PPP2R2B: variants seen among roughly 807,000 people sequenced by gnomAD.
PPP2R2B encodes the protein serine/threonine-protein phosphatase 2A 55 kDa regulatory subunit B beta isoform.
PPP2R2B carries 5 observed loss-of-function variants against 46.0 expected under a neutral mutation model. That is an observed-to-expected ratio of 0.11 (90% CI 0.06 to 0.23). The LOEUF is 0.23. Ranked by LOEUF, PPP2R2B falls within the 10% of genes least tolerant of loss-of-function variation. The pLI is 1.00. For missense variants in PPP2R2B, 367 were observed against 575.0 expected, an observed-to-expected ratio of 0.64 and a Z score of 3.70; for synonymous variants, 215 against 206.7, an observed-to-expected ratio of 1.04 and a Z score of -0.34.
At position 146,639,055 on chromosome 5, in the gene PPP2R2B, T is replaced by C. The variant is rs145121899; in HGVS notation, c.626-640A>G. On this transcript the variant is annotated intron_variant, in intron 6 of 9. Transcript: ENST00000394411. ...TAGCGTTTTCCTTATCCTCATTTTT[T>C]CAGGGGTGGAAACGGATGCTCCATG... Among the ~76,000 whole-genome samples the C allele has an allele frequency of 3.1e-3, 479 of 152,380 alleles. 3 individuals are homozygous for C. The highest frequency in any genetic ancestry group is 0.011 in the African/African-American group (464 of 41,590).
At chr5:146,626,586 G>A (rs1229747827) in intron 7 of PPP2R2B, among the ~76,000 whole-genome samples, 1 of 152,194 alleles carries the variant, frequency 6.6e-6, no homozygotes, top group Admixed American at 6.5e-5. Flanking sequence ...GGGTTCTCCT[G>A]AACCTAGAAT....
chr5:146,648,797 C>T (rs1775748936), intron 6 of PPP2R2B, among the ~76,000 whole-genome samples: 1 of 151,980 alleles, frequency 6.6e-6, no homozygotes, highest in African/African-American at 2.4e-5. Context: ...ACAGCAAATG[C>T]AAAGAATGGA....
intron 1 of PPP2R2B, among the ~76,000 whole-genome samples, chr5:147,023,172 T>C (rs1755367852): frequency 6.6e-6 from 1 of 152,144 alleles, no homozygotes; most frequent in Non-Finnish European, 1.5e-5. Flanking sequence ...GGGAAAGACA[T>C]GCTGTTGTAA....
At chr5:146,860,496 T>C (rs1760921901) in intron 2 of PPP2R2B, among the ~76,000 whole-genome samples, 1 of 152,226 alleles carries the variant, frequency 6.6e-6, no homozygotes, top group Non-Finnish European at 1.5e-5. Flanking sequence ...AGTATTCTCC[T>C]ATGTTTCTCT....
intron 1 of PPP2R2B, among the ~76,000 whole-genome samples, chr5:147,016,722 G>A (rs1251743113): frequency 6.6e-6 from 1 of 151,540 alleles, no homozygotes; most frequent in East Asian, 2.1e-4. Flanking sequence ...CTAGAGATGA[G>A]TGAAAACTAG....
At chr5:146,912,238 CAAAAAAAA>C (rs35127306) in intron 1 of PPP2R2B, among the ~76,000 whole-genome samples, 2 of 56,586 alleles carry the variant, frequency 3.5e-5, no homozygotes, top group Non-Finnish European at 6.6e-5. Flanking sequence ...GGCTCCGTCT[CAAAAAAAA>C]AAAAAAAAAA....
intron 1 of PPP2R2B, among the ~76,000 whole-genome samples, chr5:146,942,802 GT>G (rs879508942): frequency 6.7e-4 from 98 of 145,206 alleles, no homozygotes; most frequent in Middle Eastern, 3.6e-3. Context: ...TGAATCCATA[GT>G]TTTTTTTTTT....
chr5:146,811,287 G>A (rs370823280), intron 2 of PPP2R2B, among the ~76,000 whole-genome samples: 4 of 151,808 alleles, frequency 2.6e-5, no homozygotes, highest in East Asian at 1.9e-4. Context: ...CGTGAGCCAC[G>A]GCGTCCAGCC....
At chr5:146,618,011 C>A (rs1773349353) in intron 7 of PPP2R2B, among the ~76,000 whole-genome samples, 1 of 152,088 alleles carries the variant, frequency 6.6e-6, no homozygotes, top group Non-Finnish European at 1.5e-5. Context: ...CTCAATTCCC[C>A]TGTAGTAGGC....
intron 1 of PPP2R2B, among the ~76,000 whole-genome samples, chr5:147,052,134 C>T (rs1756856840): frequency 6.6e-6 from 1 of 151,958 alleles, no homozygotes; most frequent in African/African-American, 2.4e-5. Context: ...TTTGTATCTT[C>T]TTATTTCAAG....
chr5:146,877,669 C>T (rs894277608), intron 2 of PPP2R2B, among the ~76,000 whole-genome samples: 42 of 152,228 alleles, frequency 2.8e-4, no homozygotes, highest in Middle Eastern at 6.8e-3. Flanking sequence ...TCTTATCTCC[C>T]CCCAAGACCC....
In PPP2R2B at chr5:146,671,945, T is replaced by C. The variant is rs112782562; in HGVS notation, c.447+19183A>G. Among the ~76,000 whole-genome samples, 645 of 152,186 alleles carry C rather than the reference T, an allele frequency of 4.2e-3. 5 individuals are homozygous for C. Among genetic ancestry groups the C allele is most frequent in the African/African-American group, 0.014 (573 of 41,516 alleles). The stretch of plus-strand genomic sequence containing the variant: ...GGGGATGGTTGGACTAAGAATTAAG[T>C]TAAACGATAAGCAAAACGGAGAGAA... On this transcript the variant is annotated intron_variant, in intron 5 of 9. Transcript: ENST00000394411.
chr5:146,976,630 T>C (rs1018115838), intron 1 of PPP2R2B, among the ~76,000 whole-genome samples: 5 of 152,214 alleles, frequency 3.3e-5, no homozygotes, highest in African/African-American at 4.8e-5. Context: ...ATATATCAAA[T>C]TCTAATGTAT....
intron 1 of PPP2R2B, among the ~76,000 whole-genome samples, chr5:146,884,331 C>T (rs765330141): frequency 6.6e-6 from 1 of 152,040 alleles, no homozygotes; most frequent in Non-Finnish European, 1.5e-5. Context: ...GAGGGTTTCC[C>T]ATATCCATCA....
At chr5:146,962,180 C>T (rs17105787) in intron 1 of PPP2R2B, among the ~76,000 whole-genome samples, 3,158 of 148,844 alleles carry the variant, frequency 0.021, 130 homozygotes, top group African/African-American at 0.074. Context: ...CCTAGAAACA[C>T]TTAGGCTGTG....
At chr5:146,684,415 A>T (rs1778364207) in intron 5 of PPP2R2B, among the ~76,000 whole-genome samples, 1 of 152,214 alleles carries the variant, frequency 6.6e-6, no homozygotes, top group Non-Finnish European at 1.5e-5. Flanking sequence ...CCTCAGAGGG[A>T]GCAAGAAAGC....
chr5:146,996,581 A>G (rs1580773816), intron 1 of PPP2R2B, among the ~76,000 whole-genome samples: 1 of 152,152 alleles, frequency 6.6e-6, no homozygotes, highest in South Asian at 2.1e-4. Flanking sequence ...TCATGGCTGT[A>G]TGGAAGAATG....
chr5:146,889,073 C>T (rs1762415139), intron 1 of PPP2R2B, among the ~76,000 whole-genome samples: 1 of 152,186 alleles, frequency 6.6e-6, no homozygotes, highest in African/African-American at 2.4e-5. Flanking sequence ...TGGAACAGTG[C>T]CTGGCACTAC....
At chr5:147,017,508 G>A (rs13169720) in intron 1 of PPP2R2B, among the ~76,000 whole-genome samples, 16 of 151,250 alleles carry the variant, frequency 1.1e-4, no homozygotes, top group African/African-American at 3.4e-4. Context: ...TGAAGTTTAC[G>A]TAGAGAACAG....
Sources: allele counts gnomAD v4.1 joint callset (sites outside exome capture counted in the v4.1 genomes callset), GRCh38; gene constraint gnomAD v4.1.1; transcripts MANE v1.5; gene names NCBI Gene and HGNC (gene_info 2026-07-23, HGNC 2026-07-21).